The following AGAP1 variants were observed in gnomAD, a reference collection of about 807,000 sequenced individuals.
The protein encoded by AGAP1 is arf-GAP with GTPase, ANK repeat and PH domain-containing protein 1.
AGAP1 carries 29 observed loss-of-function variants against 105.3 expected under a neutral mutation model. The observed-to-expected ratio is 0.28, with a 90% CI of 0.21 to 0.38. The LOEUF (loss-of-function observed/expected upper bound fraction) is 0.38, where lower values mean the gene tolerates loss of function less well. AGAP1 is among the 10% of genes least tolerant of loss of function. The probability of loss-of-function intolerance (pLI) is 1.00; values close to 1 mark genes in which losing one functional copy is unlikely to be tolerated. For missense variants in AGAP1, 998 were observed against 1,165.1 expected (o/e 0.86, Z 2.09); for synonymous variants, 509 against 485.9 (o/e 1.05, Z -0.63).
At chr2:236,085,590 G>A (rs1272911806) in intron 16 of AGAP1, among the ~76,000 whole-genome samples, 2 of 152,190 alleles carry the variant, frequency 1.3e-5, no homozygotes, top group African/African-American at 4.8e-5. Flanking sequence ...CATGCTCAGG[G>A]CTCCTTCTTT....
In AGAP1 at chr2:235,635,040, T is replaced by C. The variant is rs576754547; in HGVS notation, c.164-74139T>C. On this transcript the variant is annotated intron_variant, in intron 1 of 17. Coordinates refer to ENST00000304032, the MANE Select transcript of AGAP1 (RefSeq NM_001037131.3). This position sits in a 1 kb window ranked among gnomAD's most constrained non-coding sequence, Gnocchi z 5.3. ...GGAATTTCCTGTGGCGCTTTCTCAATTCTGGGACCAGTTTTCCCTCTGAAG... is the reference window on the plus strand; with the variant it reads ...GGAATTTCCTGTGGCGCTTTCTCAACTCTGGGACCAGTTTTCCCTCTGAAG... 4.3e-4 allele frequency among the ~76,000 whole-genome samples: 66 copies of C among 152,122 alleles called. No individual in the cohort carries two copies. The highest frequency in any genetic ancestry group is 1.5e-3 in the African/African-American group (61 of 41,484).
In AGAP1 at chr2:235,988,118, C is replaced by G. The variant is rs1287763272; in HGVS notation, c.1645+19495C>G. Among the ~76,000 whole-genome samples the G allele has an allele frequency of 6.6e-6, 1 of 152,218 alleles. No individual in the cohort carries two copies. Among genetic ancestry groups the G allele is most frequent in the Non-Finnish European group, 1.5e-5 (1 of 68,044 alleles). On this transcript the variant is annotated intron_variant, in intron 13 of 17. Coordinates refer to ENST00000304032, the MANE Select transcript of AGAP1 (RefSeq NM_001037131.3). The surrounding 1 kb of genome is among the most constrained non-coding windows in gnomAD (Gnocchi z 4.7). ...AGTGTGGTGGCATGATCTCGGCTCACTGAAGCCTCCACCTCCAAAGTTCAA... is the reference window on the plus strand; with the variant it reads ...AGTGTGGTGGCATGATCTCGGCTCAGTGAAGCCTCCACCTCCAAAGTTCAA...
intron 1 of AGAP1, among the ~76,000 whole-genome samples, chr2:235,525,258 C>T (rs1350992202): frequency 1.3e-5 from 2 of 151,864 alleles, no homozygotes; most frequent in African/African-American, 2.4e-5. Flanking sequence ...AGGACTGACA[C>T]ATAATGTGGA....
rs1169690846 is a variant in AGAP1 at position 235,953,243 on chromosome 2, A to G, written c.1484-15219A>G. Among the ~76,000 whole-genome samples, 3 of 152,154 alleles carry G rather than the reference A, an allele frequency of 2.0e-5. No individual in the cohort carries two copies. The highest frequency in any genetic ancestry group is 7.2e-5 in the African/African-American group (3 of 41,430). ...ATTTCTATGAGGACAGATAAGGGGG[A>G]ATGAATTTTGCAAATTAGCATTTGA... is the stretch of plus-strand genomic sequence containing the variant. On this transcript the variant is annotated intron_variant, in intron 12 of 17. Coordinates refer to ENST00000304032, the MANE Select transcript of AGAP1 (RefSeq NM_001037131.3). The surrounding 1 kb of genome is among the most constrained non-coding windows in gnomAD (Gnocchi z 5.2).
At position 235,728,014 on chromosome 2, in the gene AGAP1, C is replaced by G. The variant is rs923820139; in HGVS notation, c.310+10370C>G. Among the ~76,000 whole-genome samples, 7 of 152,174 alleles carry G rather than the reference C, an allele frequency of 4.6e-5. No homozygotes were observed. Among genetic ancestry groups the G allele is most frequent in the Non-Finnish European group, 1.0e-4 (7 of 68,042 alleles). ...GCACCGATTAGAGCTGGGATTGCCTCTCGCAACTCCCCAAAGAAAATGCTG... is the reference window on the plus strand; with the variant it reads ...GCACCGATTAGAGCTGGGATTGCCTGTCGCAACTCCCCAAAGAAAATGCTG... On this transcript the variant is annotated intron_variant, in intron 3 of 17. Transcript: ENST00000304032. This position sits in a 1 kb window ranked among gnomAD's most constrained non-coding sequence, Gnocchi z 4.3.
chr2:235,533,712 A>C (rs1331500560), intron 1 of AGAP1, among the ~76,000 whole-genome samples: 1 of 152,210 alleles, frequency 6.6e-6, no homozygotes, highest in Non-Finnish European at 1.5e-5. Flanking sequence ...CCAGCAAGAA[A>C]TCAGTGTTGG....
At chr2:235,856,282 T>A (rs1426947340) in intron 9 of AGAP1, among the ~76,000 whole-genome samples, 1 of 152,248 alleles carries the variant, frequency 6.6e-6, no homozygotes, top group Non-Finnish European at 1.5e-5. Flanking sequence ...TAGTTTGTTC[T>A]TGTACCCAGT....
chr2:235,599,621 C>T lies in AGAP1; in HGVS notation c.163+104772C>T, dbSNP rs191466548. Among the ~76,000 whole-genome samples, 140 of 152,326 alleles carry T rather than the reference C, an allele frequency of 9.2e-4. No individual in the cohort carries two copies. The highest frequency in any genetic ancestry group is 3.0e-3 in the African/African-American group (123 of 41,572). On this transcript the variant is annotated intron_variant, in intron 1 of 17. Coordinates refer to ENST00000304032, the MANE Select transcript of AGAP1 (RefSeq NM_001037131.3). The surrounding 1 kb of genome is among the most constrained non-coding windows in gnomAD (Gnocchi z 5.3). Reference sequence around the variant, plus strand: ...TCCCCTGCCATGGCCCATGTGGCTCCGGAAGTTCCTGGGAGTGGCTCGTAG... The same window carrying T: ...TCCCCTGCCATGGCCCATGTGGCTCTGGAAGTTCCTGGGAGTGGCTCGTAG...
rs1943754019 is a variant in AGAP1 at position 235,550,030 on chromosome 2, T to C, written c.163+55181T>C. ...CTTTGGTGTCTGCAGCTGTATAATA[T>C]GATGGATGTCCTTGTATTGTACATT... On this transcript the variant is annotated intron_variant, in intron 1 of 17. Transcript: ENST00000304032. This position sits in a 1 kb window ranked among gnomAD's most constrained non-coding sequence, Gnocchi z 4.6. Among the ~76,000 whole-genome samples, 1 of 152,294 alleles carries C rather than the reference T, an allele frequency of 6.6e-6. No homozygotes were observed. Among genetic ancestry groups the C allele is most frequent in the Non-Finnish European group, 1.5e-5 (1 of 68,028 alleles).
In AGAP1 at chr2:236,082,698, AC is replaced by A; in HGVS notation, c.2114+33420del. ...AGACCAGCCTGGCCAACATGGCGAA[AC>A]CCTGTCTCTACTAAAAATACAAAAA... On this transcript the variant is annotated intron_variant, in intron 16 of 17. Coordinates refer to ENST00000304032, the MANE Select transcript of AGAP1 (RefSeq NM_001037131.3). This position sits in a 1 kb window ranked among gnomAD's most constrained non-coding sequence, Gnocchi z 4.2. 6.6e-6 allele frequency among the ~76,000 whole-genome samples: 1 copy of A among 152,160 alleles called. No individual in the cohort carries two copies. Among genetic ancestry groups the A allele is most frequent in the East Asian group, 1.9e-4 (1 of 5,192 alleles).
At position 235,551,925 on chromosome 2, in the gene AGAP1, C is replaced by T. The variant is rs1943823782; in HGVS notation, c.163+57076C>T. On this transcript the variant is annotated intron_variant, in intron 1 of 17. Coordinates refer to ENST00000304032, the MANE Select transcript of AGAP1 (RefSeq NM_001037131.3). This position sits in a 1 kb window ranked among gnomAD's most constrained non-coding sequence, Gnocchi z 4.8. ...AGCTGTGAGGAGCCAGGAGGGCGAT[C>T]CCAGCTTTCTCCTGGTTAATTTTAC... 6.6e-6 allele frequency among the ~76,000 whole-genome samples: 1 copy of T among 152,176 alleles called. No homozygotes were observed. Among genetic ancestry groups the T allele is most frequent in the South Asian group, 2.1e-4 (1 of 4,828 alleles).
At chr2:236,041,975 G>C (rs941109543) in intron 15 of AGAP1, among the ~76,000 whole-genome samples, 1 of 152,218 alleles carries the variant, frequency 6.6e-6, no homozygotes, top group Admixed American at 6.5e-5. Flanking sequence ...TCTCTGGGTG[G>C]TTGTAGGATT....
rs1952456541 is a variant in AGAP1 at position 235,739,611 on chromosome 2, GC to G, written c.311-1351del. 6.6e-6 allele frequency among the ~76,000 whole-genome samples: 1 copy of G among 152,268 alleles called. No individual in the cohort carries two copies. The highest frequency in any genetic ancestry group is 2.1e-4 in the South Asian group (1 of 4,832). On this transcript the variant is annotated intron_variant, in intron 3 of 17. Transcript: ENST00000304032. The surrounding 1 kb of genome is among the most constrained non-coding windows in gnomAD (Gnocchi z 5.3). ...AATGAACTGAACAGCAGATTTATTT[GC>G]TTTAGCAAATGCGGCTGCCTGTGAT...
intron 9 of AGAP1, among the ~76,000 whole-genome samples, chr2:235,857,337 C>T (rs1268859058): frequency 6.6e-6 from 1 of 152,088 alleles, no homozygotes. Context: ...GAAAACCATC[C>T]CTCCTCCCTA....
intron 1 of AGAP1, among the ~76,000 whole-genome samples, chr2:235,673,619 G>A (rs898195011): frequency 6.6e-6 from 1 of 152,280 alleles, no homozygotes; most frequent in African/African-American, 2.4e-5. Context: ...AAAGTAATTT[G>A]CCAGCCATTT....
intron 1 of AGAP1, among the ~76,000 whole-genome samples, chr2:235,528,317 C>G (rs1026554056): frequency 6.6e-6 from 1 of 151,990 alleles, no homozygotes; most frequent in Non-Finnish European, 1.5e-5. Context: ...CCCAGCAAGC[C>G]CGGCTCCATC....
chr2:235,802,360 A>G lies in AGAP1; in HGVS notation c.957+2838A>G, dbSNP rs191586710. On this transcript the variant is annotated intron_variant, in intron 8 of 17. Transcript: ENST00000304032. ...ATCACCATTAATTATTTCACCATTA[A>G]TGTGTCACATAATATAATGGTCTGC... Among the ~76,000 whole-genome samples the G allele has an allele frequency of 5.5e-4, 84 of 152,302 alleles. 1 individual carries two copies. Among genetic ancestry groups the G allele is most frequent in the Admixed American group, 9.1e-4 (14 of 15,306 alleles).
Position 236,121,768 on chromosome 2 carries a change from CA to C in AGAP1, c.2370+1322del, listed in dbSNP as rs2059906589. 6.6e-6 allele frequency among the ~76,000 whole-genome samples: 1 copy of C among 152,198 alleles called. No homozygotes were observed. The highest frequency in any genetic ancestry group is 2.4e-5 in the African/African-American group (1 of 41,446). The stretch of plus-strand genomic sequence containing the variant: ...GGCTGCCATAACAAAATACCACAGA[CA>C]GGGGTGCTTCAACAACAGACATTTA... On this transcript the variant is annotated intron_variant, in intron 17 of 17. Transcript: ENST00000304032. This position sits in a 1 kb window ranked among gnomAD's most constrained non-coding sequence, Gnocchi z 4.9.
At chr2:235,890,903 G>A (rs1319375659) in intron 10 of AGAP1, among the ~76,000 whole-genome samples, 3 of 141,658 alleles carry the variant, frequency 2.1e-5, no homozygotes, top group Non-Finnish European at 3.0e-5. Context: ...ACGCTGTCCT[G>A]AAGTTGAAGC....
Sources: gnomAD v4.1 joint callset for allele counts (sites outside exome capture counted in the v4.1 genomes callset) on GRCh38, gnomAD v4.1.1 for gene constraint, Gnocchi (gnomAD v3.1) non-coding constraint, MANE v1.5 for transcripts, NCBI Gene and HGNC (gene_info 2026-07-23, HGNC 2026-07-21) for gene names.